The following ITM2B variants were observed in gnomAD, a reference collection of about 807,000 sequenced individuals.
ITM2B encodes ABri/ADan amyloid peptide.
ITM2B carries 11 observed loss-of-function variants against 27.8 expected under a neutral mutation model. The ratio of observed to expected loss-of-function variants is 0.40; its 90% CI spans 0.25 to 0.66. ITM2B has a LOEUF of 0.66. Ranked by LOEUF, ITM2B falls within the 30% of genes least tolerant of loss-of-function variation. ITM2B has a pLI of 0.43. For synonymous variants in ITM2B, 114 were observed against 114.3 expected, an observed-to-expected ratio of 1.00 and a Z score of 0.02; for missense variants, 296 against 328.9, an observed-to-expected ratio of 0.90 and a Z score of 0.77.
rs1301189631 is a variant in ITM2B, at chr13:48,233,347, C to T, written c.-14C>T. On this transcript the variant is annotated 5_prime_UTR_variant, in exon 1 of 6. Coordinates refer to ENST00000647800, the MANE Select transcript of ITM2B (RefSeq NM_021999.5). ...AGCCCGCCGCCGCCCTTCGAGGGCG[C>T]CCCAGGCCGCGCCATGGTGAAGGTG... 1 of 1,530,934 alleles carries T rather than the reference C, an allele frequency of 6.5e-7. No homozygotes were observed. Among genetic ancestry groups the T allele is most frequent in the South Asian group, 1.2e-5 (1 of 82,748 alleles). 94.8% of individuals were successfully genotyped at this position (1,530,934 alleles called of 1,614,324 possible).
Position 48,269,173 on chromosome 13 carries a change from C to T in ITM2B, c.*7949C>T, listed in dbSNP as rs1031782353. 1.6e-4 allele frequency: 24 copies of T among 152,106 alleles called. No individual in the cohort carries two copies. The highest frequency in any genetic ancestry group is 5.8e-4 in the African/African-American group (24 of 41,422). 9.4% of individuals were successfully genotyped at this position (152,106 alleles called of 1,614,324 possible). ...CACAGGCTAAAAATAGGAAGTCATTCTAGATTCCTCTCTTTTTCATAAACC... is the reference window on the plus strand; with the variant it reads ...CACAGGCTAAAAATAGGAAGTCATTTTAGATTCCTCTCTTTTTCATAAACC... On this transcript the variant is annotated 3_prime_UTR_variant, in exon 6 of 6. Coordinates refer to ENST00000647800, the MANE Select transcript of ITM2B (RefSeq NM_021999.5).
chr13:48,259,712 T>C (rs1370566156), intron 5 of ITM2B, among the ~76,000 whole-genome samples: 3 of 151,516 alleles, frequency 2.0e-5, no homozygotes, highest in African/African-American at 7.3e-5. Context: ...TTTTTTTTTT[T>C]CCAACTTTTA....
intron 1 of ITM2B, 34 bp from the exon 2 acceptor site, chr13:48,253,774 G>T (rs1234447122): frequency 6.2e-7 from 1 of 1,605,578 alleles, no homozygotes. Flanking sequence ...TCTGTCTGGA[G>T]ATAAGATATT....
rs554314686 is a variant in ITM2B at position 48,268,641 on chromosome 13, A to G, written c.*7417A>G. On this transcript the variant is annotated 3_prime_UTR_variant, in exon 6 of 6. Coordinates refer to ENST00000647800, the MANE Select transcript of ITM2B (RefSeq NM_021999.5). The stretch of plus-strand genomic sequence containing the variant: ...CCATTTTTTGTGTATACCACAATTT[A>G]TCATTTTTTTCTGTGTAGGTATTTT... 6.6e-6 allele frequency: 1 copy of G among 152,192 alleles called. No homozygotes were observed. Among genetic ancestry groups the G allele is most frequent in the Non-Finnish European group, 1.5e-5 (1 of 68,012 alleles). The allele number at this position is 152,192 out of a possible 1,614,324, so 9.4% of individuals were successfully genotyped here.
intron 4 of ITM2B, 75 bp from the exon 5 acceptor site, chr13:48,258,722 A>G (rs1191946393): frequency 7.2e-7 from 1 of 1,383,888 alleles, no homozygotes; most frequent in Non-Finnish European, 1.0e-6. Context: ...ATGTGTAAGA[A>G]TTTTGTCTTG....
intron 1 of ITM2B, among the ~76,000 whole-genome samples, chr13:48,251,297 AT>A (rs1362196010): frequency 1.3e-5 from 2 of 152,172 alleles, no homozygotes; most frequent in East Asian, 3.8e-4. Flanking sequence ...GGTAATGAGT[AT>A]TTGTCCTTTA....
chr13:48,257,149 A>G (rs1272569292), intron 3 of ITM2B, among the ~76,000 whole-genome samples: 2 of 152,258 alleles, frequency 1.3e-5, no homozygotes, highest in South Asian at 2.1e-4. Flanking sequence ...TAAAACAGTT[A>G]TAACAAAATA....
intron 1 of ITM2B, among the ~76,000 whole-genome samples, chr13:48,243,087 A>G (rs892796387): frequency 8.5e-5 from 13 of 152,226 alleles, no homozygotes; most frequent in African/African-American, 2.9e-4. Context: ...CTGAATTACC[A>G]TTAGCATTAA....
Position 48,262,584 on chromosome 13 carries a change from AT to A in ITM2B, c.*1361del, listed in dbSNP as rs552805342. The A allele has an allele frequency of 2.8e-4, 43 of 152,300 alleles. No homozygotes were observed. Among genetic ancestry groups the A allele is most frequent in the African/African-American group, 8.7e-4 (36 of 41,578 alleles). The allele number at this position is 152,300 out of a possible 1,614,324, so 9.4% of individuals were successfully genotyped here. On this transcript the variant is annotated 3_prime_UTR_variant, in exon 6 of 6. Transcript: ENST00000647800. ...CCTACTTTCCAGGCTCTAAAATTACATGAATTTTCAGGGAGCTGTGAACATT... is the reference window on the plus strand; with the variant it reads ...CCTACTTTCCAGGCTCTAAAATTACAGAATTTTCAGGGAGCTGTGAACATT...
intron 1 of ITM2B, among the ~76,000 whole-genome samples, chr13:48,252,315 C>G (rs1019770888): frequency 1.3e-5 from 2 of 152,236 alleles, no homozygotes; most frequent in African/African-American, 4.8e-5. Context: ...ATACCGGGGT[C>G]CCCAACCGCC....
At chr13:48,246,779 AAAGAT>A (rs1318196281) in intron 1 of ITM2B, among the ~76,000 whole-genome samples, 1 of 152,204 alleles carries the variant, frequency 6.6e-6, no homozygotes, top group Non-Finnish European at 1.5e-5. Flanking sequence ...GAGAGAAAAA[AAAGAT>A]AAGAGAGAAG....
At chr13:48,257,300 AAT>A (rs1356167575) in intron 3 of ITM2B, among the ~76,000 whole-genome samples, 1 of 152,216 alleles carries the variant, frequency 6.6e-6, no homozygotes, top group Non-Finnish European at 1.5e-5. Flanking sequence ...TACTGTATTT[AAT>A]ATGTTTACAT....
At chr13:48,259,004 A>G in intron 5 of ITM2B, 57 bp downstream of exon 5, 1 of 1,327,886 alleles carries the variant, frequency 7.5e-7, no homozygotes, top group South Asian at 1.3e-5. Context: ...ATTAAACTAG[A>G]TTTAGGTGAA....
chr13:48,269,122 T>C lies in ITM2B; in HGVS notation c.*7898T>C, dbSNP rs1191482411. The C allele has an allele frequency of 6.6e-6, 1 of 152,168 alleles. No homozygotes were observed. Among genetic ancestry groups the C allele is most frequent in the Non-Finnish European group, 1.5e-5 (1 of 68,022 alleles). The allele number at this position is 152,168 out of a possible 1,614,324, so 9.4% of individuals were successfully genotyped here. On this transcript the variant is annotated 3_prime_UTR_variant, in exon 6 of 6. Coordinates refer to ENST00000647800, the MANE Select transcript of ITM2B (RefSeq NM_021999.5). The stretch of plus-strand genomic sequence containing the variant: ...TGATTTTCCTCCCATGGTTTCCTCA[T>C]CTCAGCTCCTTTTTTTTTCCAGTTG...
At chr13:48,259,578 G>A (rs1483333514) in intron 5 of ITM2B, among the ~76,000 whole-genome samples, 3 of 152,098 alleles carry the variant, frequency 2.0e-5, no homozygotes, top group Non-Finnish European at 4.4e-5. Context: ...ACACTGTGGT[G>A]TGATTTCTTT....
intron 1 of ITM2B, among the ~76,000 whole-genome samples, chr13:48,241,412 A>G (rs1424031511): frequency 3.3e-5 from 5 of 152,144 alleles, no homozygotes; most frequent in South Asian, 2.1e-4. Context: ...GGGTTTCACC[A>G]TGTTGACCAG....
intron 2 of ITM2B, among the ~76,000 whole-genome samples, chr13:48,254,749 C>T (rs1341692671): frequency 6.6e-6 from 1 of 151,922 alleles, no homozygotes; most frequent in African/African-American, 2.4e-5. Context: ...GATAATCAAT[C>T]ACATGTTGAT....
At chr13:48,254,888 T>C (rs1003518264) in intron 2 of ITM2B, 1 of 152,138 alleles carries the variant, frequency 6.6e-6, no homozygotes, top group South Asian at 2.1e-4. Flanking sequence ...TTTTTTTTTT[T>C]TCTTGAGACA....
rs1027927508 is a variant in ITM2B, at chr13:48,262,088, T to C, written c.*864T>C. On this transcript the variant is annotated 3_prime_UTR_variant, in exon 6 of 6. Transcript: ENST00000647800. ...ATACTATTAAAGTAACATTTAAGCC[T>C]CAACCTTGAATGATGTTGTTTAATA... 7.2e-5 allele frequency: 11 copies of C among 152,172 alleles called. No individual in the cohort carries two copies. Among genetic ancestry groups the C allele is most frequent in the Non-Finnish European group, 1.3e-4 (9 of 68,016 alleles). The allele number at this position is 152,172 out of a possible 1,614,324, so 9.4% of individuals were successfully genotyped here.
Sources: gnomAD v4.1 joint callset for allele counts (sites outside exome capture counted in the v4.1 genomes callset) on GRCh38, gnomAD v4.1.1 for gene constraint, MANE v1.5 for transcripts, NCBI Gene and HGNC (gene_info 2026-07-23, HGNC 2026-07-21) for gene names.